Variants in WNK1 observed in about 807,000 individuals in gnomAD.
WNK1 encodes the protein serine/threonine-protein kinase WNK1.
A neutral mutation model predicts 222.8 loss-of-function variants in WNK1; 38 were observed. The ratio of observed to expected loss-of-function variants is 0.17; its 90% confidence interval spans 0.13 to 0.22. The LOEUF (loss-of-function observed/expected upper bound fraction) is 0.22. Ranked by LOEUF, WNK1 falls within the 10% of genes least tolerant of loss-of-function variation. The probability of loss-of-function intolerance (pLI) is 1.00; values close to 1 mark genes in which losing one functional copy is unlikely to be tolerated. For synonymous variants in WNK1, 1,090 were observed against 1,092.9 expected (o/e 1.00, Z 0.05); for missense variants, 2,348 against 2,918.4 (o/e 0.80, Z 4.50).
At chr12:892,123 C>T (rs1176526228) in intron 22 of WNK1, among the ~76,000 whole-genome samples, 2 of 147,532 alleles carry the variant, frequency 1.4e-5, no homozygotes, top group Non-Finnish European at 3.0e-5. Flanking sequence ...ATGTGCACAA[C>T]GTGCAGGTTT....
At chr12:794,383 G>A (rs1226864246) in intron 1 of WNK1, among the ~76,000 whole-genome samples, 1 of 152,158 alleles carries the variant, frequency 6.6e-6, no homozygotes, top group Non-Finnish European at 1.5e-5. Flanking sequence ...CAGCGAATGA[G>A]GGTTCCAATT....
At chr12:900,823 G>A (rs1188251375) in intron 26 of WNK1, 153 bp downstream of exon 26, 7 of 946,676 alleles carry the variant, frequency 7.4e-6, no homozygotes, top group African/African-American at 1.6e-5. Flanking sequence ...GGGAAGTGGA[G>A]TGATAATGAG....
intron 1 of WNK1, among the ~76,000 whole-genome samples, chr12:796,184 T>C (rs920451396): frequency 2.0e-5 from 3 of 152,058 alleles, no homozygotes; most frequent in African/African-American, 7.2e-5. Flanking sequence ...ATGTATCTTA[T>C]TTTTAATTTT....
intron 1 of WNK1, 82 bp from the exon 2 acceptor site, chr12:813,560 A>C: frequency 2.1e-6 from 3 of 1,411,380 alleles, no homozygotes; most frequent in Non-Finnish European, 9.9e-7. Context: ...ATGATTTAGT[A>C]ATGTTTAAGT....
At chr12:789,604 C>T (rs1944651912) in intron 1 of WNK1, among the ~76,000 whole-genome samples, 1 of 139,996 alleles carries the variant, frequency 7.1e-6, no homozygotes, top group South Asian at 2.4e-4. Context: ...TGATTCAATA[C>T]TCACTGCAGC....
At position 878,336 on chromosome 12, in the gene WNK1, T is replaced by C. The variant is rs1345226249; in HGVS notation, c.2348T>C (p.Leu783Ser). ...PVSQPQAPQV[L>S]PQVSAGKQLP... ...AGTCAGCCTCAAGCTCCACAAGTCT[T>C]GCCTCAAGTATCAGCTGGAAAACAG... Residue 783 changes from leucine to serine, a missense_variant, in exon 10 of 28, where the codon TTG (leucine) becomes TCG (serine). Coordinates refer to ENST00000315939, the MANE Select transcript of WNK1 (RefSeq NM_018979.4). 1 of 1,613,762 alleles carries C rather than the reference T, an allele frequency of 6.2e-7. No homozygotes were observed. Among genetic ancestry groups the C allele is most frequent in the African/African-American group, 1.3e-5 (1 of 74,848 alleles).
intron 4 of WNK1, among the ~76,000 whole-genome samples, chr12:838,546 CT>C (rs560092267): frequency 1.3e-5 from 2 of 152,100 alleles, no homozygotes; most frequent in Non-Finnish European, 2.9e-5. Context: ...TCCTGAGTAT[CT>C]GGGACCATGG....
intron 1 of WNK1, among the ~76,000 whole-genome samples, chr12:784,212 A>T (rs908311477): frequency 1.3e-5 from 2 of 152,100 alleles, no homozygotes; most frequent in Non-Finnish European, 2.9e-5. Flanking sequence ...TCAGAGCAAG[A>T]CTCCCATCTC....
intron 9 of WNK1, among the ~76,000 whole-genome samples, chr12:871,688 C>G (rs760796629): frequency 6.6e-6 from 1 of 152,012 alleles, no homozygotes; most frequent in Admixed American, 6.5e-5. Context: ...CTGCAACCAC[C>G]GCCTCCCAGG....
intron 1 of WNK1, among the ~76,000 whole-genome samples, chr12:762,262 G>A (rs1458141529): frequency 1.4e-5 from 2 of 146,016 alleles, no homozygotes; most frequent in African/African-American, 2.4e-5. Context: ...GTTTCATCAC[G>A]TTGGCCAGGC....
At chr12:865,486 G>C in intron 8 of WNK1, 2 of 1,299,166 alleles carry the variant, frequency 1.5e-6, no homozygotes, top group Non-Finnish European at 1.0e-6. Flanking sequence ...TATGCTTCTA[G>C]GATACCAGTT....
rs1172075984 is a variant in WNK1, at chr12:880,991, G to A, written c.3103G>A (p.Val1035Ile). The stretch of plus-strand genomic sequence containing the variant: ...CCCCACTACATCCTCCCAGCAAGCA[G>A]TTTTGGAGGTAAATAGAATTACTGC... Reference protein sequence around the residue: ...QAPTTSSQQAVLESTQGVSQV... With the variant: ...QAPTTSSQQAILESTQGVSQV... The change falls in exon 12 of 28, where the codon GTT becomes ATT. Residue 1035 changes from valine (V) to isoleucine (I), a missense_variant. Transcript: ENST00000315939. 6.2e-7 allele frequency: 1 copy of A among 1,614,142 alleles called. No homozygotes were observed. The highest frequency in any genetic ancestry group is 8.5e-7 in the Non-Finnish European group (1 of 1,180,028).
rs72648670 is a variant in WNK1, at chr12:857,058, C to T, written c.1312-103C>T. ...CCTGCAGGCGAGTCAGAAAAAAAGC[C>T]GGGATAGTAAGAAAGGAACCTAAAA... On this transcript the variant is annotated intron_variant, in intron 4 of 27. Transcript: ENST00000315939. 2,277 of 1,221,404 alleles carry T rather than the reference C, an allele frequency of 1.9e-3. 57 individuals carry two copies. The Admixed American group carries it at 0.037, about 20-fold the overall frequency. The allele number at this position is 1,221,404 out of a possible 1,614,324, so 75.7% of individuals were successfully genotyped here. A position where few individuals can be genotyped will look rare whatever the true frequency, so the allele number is the denominator to read the frequency against.
At chr12:771,278 T>C (rs1317844753) in intron 1 of WNK1, among the ~76,000 whole-genome samples, 1 of 152,152 alleles carries the variant, frequency 6.6e-6, no homozygotes. Context: ...ATGACAGGTG[T>C]GAGCTACTAT....
rs71051382 is a variant in WNK1 at position 767,234 on chromosome 12, G to GTTT, written c.759+12943_759+12945dup. Among the ~76,000 whole-genome samples the GTTT allele has an allele frequency of 5.7e-3, 405 of 70,878 alleles. 22 individuals carry two copies. The highest frequency in any genetic ancestry group is 7.1e-3 in the African/African-American group (112 of 15,760). The allele number at this position is 70,878 out of a possible 152,430, so 46.5% of individuals were successfully genotyped here. A position where few individuals can be genotyped will look rare whatever the true frequency, so the allele number is the denominator to read the frequency against. ...TGTGGCAGACTTTCTGGGTTGATAG[G>GTTT]TTTTTTTTTTTTTTTTTTTTTTTTT... is the stretch of plus-strand genomic sequence containing the variant. On this transcript the variant is annotated intron_variant, in intron 1 of 27. Coordinates refer to ENST00000315939, the MANE Select transcript of WNK1 (RefSeq NM_018979.4).
At chr12:892,715 T>A (rs548213412) in intron 22 of WNK1, among the ~76,000 whole-genome samples, 16 of 152,078 alleles carry the variant, frequency 1.1e-4, no homozygotes, top group Non-Finnish European at 1.9e-4. Context: ...AAAAGGAAAC[T>A]TAGACATGAA....
rs138216561 is a variant in WNK1, at chr12:881,993, A to G, written c.3292A>G (p.Thr1098Ala). The change falls in exon 14 of 28, where the codon ACA becomes GCA. Residue 1098 changes from threonine (T) to alanine (A), a missense_variant. By Grantham distance (58) the Thr-to-Ala change is moderately conservative. This residue lies in a region of WNK1 where 547 missense variants were observed against 558.3 expected (regional missense o/e 0.98). Coordinates refer to ENST00000315939, the MANE Select transcript of WNK1 (RefSeq NM_018979.4). ...SSSGRHEGRTTKRHYRKSVRS... is the reference protein window; with the variant it reads ...SSSGRHEGRTAKRHYRKSVRS... ...CAGTGGAAGGCATGAAGGAAGAACT[A>G]CAAAACGGCATTACCGAAAATCTGT... is the stretch of plus-strand genomic sequence containing the variant. 82 of 1,614,132 alleles carry G rather than the reference A, an allele frequency of 5.1e-5. No individual in the cohort carries two copies. The African/African-American group carries it at 9.6e-4, about 19-fold the overall frequency.
At chr12:832,702 G>C (rs1226216444) in intron 4 of WNK1, among the ~76,000 whole-genome samples, 1 of 152,174 alleles carries the variant, frequency 6.6e-6, no homozygotes. Context: ...ATTATTAGGT[G>C]TATGTCTACA....
chr12:871,165 A>G, intron 8 of WNK1, 100 bp from the exon 9 acceptor site: 1 of 1,158,182 alleles, frequency 8.6e-7, no homozygotes, highest in Admixed American at 1.9e-5. Flanking sequence ...ATTTTGATCA[A>G]GCAAACTCTG....
Sources: allele counts gnomAD v4.1 joint callset (sites outside exome capture counted in the v4.1 genomes callset), GRCh38; gene constraint gnomAD v4.1.1; regional missense constraint gnomAD v4.1.1; transcripts MANE v1.5; gene names NCBI Gene and HGNC (gene_info 2026-07-23, HGNC 2026-07-21).